HAUS6: variants seen among roughly 807,000 people sequenced by gnomAD.
HAUS6 encodes HAUS augmin like complex subunit 6, also known as HAUS augmin-like complex subunit 6.
HAUS6 carries 80 observed loss-of-function variants against 106.8 expected under a neutral mutation model. That is an observed-to-expected ratio of 0.75 (90% CI 0.63 to 0.90). HAUS6 has a LOEUF of 0.90. Ranked by LOEUF, HAUS6 falls within the 40% of genes least tolerant of loss-of-function variation. The probability of loss-of-function intolerance (pLI) is 0.00; values close to 1 mark genes in which losing one functional copy is unlikely to be tolerated. For missense variants in HAUS6, 1,155 were observed against 1,118.1 expected (o/e 1.03, Z -0.47); for synonymous variants, 356 against 379.1 (o/e 0.94, Z 0.71).
intron 11 of HAUS6, among the ~76,000 whole-genome samples, chr9:19,073,406 C>A (rs1179230369): frequency 6.9e-6 from 1 of 145,184 alleles, no homozygotes; most frequent in African/African-American, 2.7e-5. Context: ...CAGCTCAGAT[C>A]AAGGTTCTAT....
At chr9:19,073,176 T>C (rs940709972) in intron 11 of HAUS6, among the ~76,000 whole-genome samples, 12 of 152,128 alleles carry the variant, frequency 7.9e-5, no homozygotes, top group African/African-American at 2.7e-4. Context: ...ATTAACTACA[T>C]ATGTACCTTT....
intron 11 of HAUS6, among the ~76,000 whole-genome samples, chr9:19,076,102 G>C (rs111399174): frequency 5.4e-5 from 8 of 149,466 alleles, no homozygotes; most frequent in Admixed American, 3.3e-4. Context: ...GCTCATGCCT[G>C]TAATCCCAGC....
chr9:19,067,665 T>C (rs950587165), intron 12 of HAUS6, among the ~76,000 whole-genome samples: 6 of 152,154 alleles, frequency 3.9e-5, no homozygotes, highest in African/African-American at 1.4e-4. Context: ...TGATAGTATC[T>C]TGGTACAAAA....
chr9:19,095,482 G>A (rs544058680), intron 2 of HAUS6, among the ~76,000 whole-genome samples: 1 of 146,670 alleles, frequency 6.8e-6, no homozygotes, highest in East Asian at 2.0e-4. Flanking sequence ...TACTTAAAAT[G>A]AGCCATAATG....
At chr9:19,076,570 T>A in intron 11 of HAUS6, 32 bp downstream of exon 11, 1 of 955,334 alleles carries the variant, frequency 1.0e-6, no homozygotes, top group Non-Finnish European at 1.7e-6. Context: ...GGAAGGAGGT[T>A]TCAAAGAGAA....
chr9:19,079,516 C>G (rs913802075), intron 9 of HAUS6, among the ~76,000 whole-genome samples: 2 of 151,958 alleles, frequency 1.3e-5, no homozygotes, highest in East Asian at 1.9e-4. Context: ...CAAGTGTGAG[C>G]CACCATGCCC....
chr9:19,095,011 G>A (rs1326897285), intron 2 of HAUS6, among the ~76,000 whole-genome samples: 3 of 151,874 alleles, frequency 2.0e-5, no homozygotes, highest in Non-Finnish European at 4.4e-5. Context: ...CTGGACTAGT[G>A]CATAAAGACA....
intron 12 of HAUS6, among the ~76,000 whole-genome samples, chr9:19,069,362 T>A (rs1429360817): frequency 6.6e-6 from 1 of 152,176 alleles, no homozygotes. Flanking sequence ...TCTGAAAATG[T>A]GGGTCTATGG....
rs1254656089 is a variant in HAUS6 at position 19,102,696 on chromosome 9, C to T, written c.-45G>A. 4 of 1,590,550 alleles carry T rather than the reference C, an allele frequency of 2.5e-6. No individual in the cohort carries two copies. The highest frequency in any genetic ancestry group is 2.6e-6 in the Non-Finnish European group (3 of 1,167,428). On this transcript the variant is annotated 5_prime_UTR_variant, in exon 1 of 17. Transcript: ENST00000380502. ...GCTGCAAAGAAAGAAAGCGCAAGCC[C>T]AGGGGACTCGGAGGGCCCTCAAGAT...
At chr9:19,072,190 CAAA>C (rs71333079) in intron 11 of HAUS6, among the ~76,000 whole-genome samples, 4 of 139,016 alleles carry the variant, frequency 2.9e-5, no homozygotes, top group Non-Finnish European at 6.2e-5. Flanking sequence ...AACTCCCTCT[CAAA>C]AAAAAAAAAG....
At chr9:19,099,235 C>T (rs1486567317) in intron 1 of HAUS6, among the ~76,000 whole-genome samples, 1 of 147,986 alleles carries the variant, frequency 6.8e-6, no homozygotes, top group African/African-American at 2.5e-5. Context: ...GGCGCGATCT[C>T]GGCTCACTGC....
intron 14 of HAUS6, among the ~76,000 whole-genome samples, chr9:19,060,593 A>G (rs1182421052): frequency 8.5e-5 from 13 of 152,242 alleles, no homozygotes; most frequent in Admixed American, 8.5e-4. Flanking sequence ...ACTAGTTTTA[A>G]AGGAAGCAGA....
At chr9:19,082,748 T>C in intron 8 of HAUS6, 125 bp downstream of exon 8, 1 of 553,480 alleles carries the variant, frequency 1.8e-6, no homozygotes, top group Middle Eastern at 5.1e-4. Flanking sequence ...CAAAATTCTG[T>C]CTCAAAAAAA....
chr9:19,097,607 C>T (rs1026263186), intron 1 of HAUS6, among the ~76,000 whole-genome samples: 1 of 152,082 alleles, frequency 6.6e-6, no homozygotes, highest in African/African-American at 2.4e-5. Context: ...ACAACAGGTG[C>T]TGGAAAGGAT....
At position 19,080,623 on chromosome 9, in the gene HAUS6, A is replaced by C; in HGVS notation, c.920T>G (p.Val307Gly). 6.2e-7 allele frequency: 1 copy of C among 1,605,424 alleles called. No individual in the cohort carries two copies. The highest frequency in any genetic ancestry group is 1.1e-5 in the South Asian group (1 of 90,858). ...CAAGACTTCATTTAATAACTGAATA[A>C]CTGTTAAGAGGTTCAGTTTTCCAGC... ...YEAGKLNLLT[V>G]IQLLNEVLKV... The change falls in exon 9 of 17, where the codon GTT becomes GGT. Residue 307 changes from valine to glycine, a missense_variant. Physicochemically the swap from Val to Gly is moderately radical, Grantham distance 109. This residue lies in a region of HAUS6 where 761 missense variants were observed against 690.0 expected (regional missense o/e 1.10). Coordinates refer to ENST00000380502, the MANE Select transcript of HAUS6 (RefSeq NM_017645.5).
At chr9:19,098,866 T>C (rs1817921249) in intron 1 of HAUS6, among the ~76,000 whole-genome samples, 1 of 151,428 alleles carries the variant, frequency 6.6e-6, no homozygotes, top group Admixed American at 6.6e-5. Flanking sequence ...CTACTAAAAA[T>C]ACAAAATTAG....
chr9:19,080,793 C>T lies in HAUS6; in HGVS notation c.871-121G>A, dbSNP rs142706968. The T allele has an allele frequency of 1.5e-3, 908 of 625,796 alleles. 5 individuals are homozygous for T. In the African/African-American group the frequency reaches 0.015, roughly 10 times the overall value. 38.8% of individuals were successfully genotyped at this position (625,796 alleles called of 1,614,324 possible). The stretch of plus-strand genomic sequence containing the variant: ...CCTTAAAGAAGAGGGAAAGGCCAGA[C>T]GCAACGGCTCACACCTGTAATCCCA... On this transcript the variant is annotated intron_variant, in intron 8 of 16. Coordinates refer to ENST00000380502, the MANE Select transcript of HAUS6 (RefSeq NM_017645.5).
chr9:19,065,418 T>G (rs1284178078), intron 12 of HAUS6, among the ~76,000 whole-genome samples: 1 of 151,970 alleles, frequency 6.6e-6, no homozygotes, highest in East Asian at 1.9e-4. Flanking sequence ...AAAATAAAAT[T>G]GAGAGAAAAT....
At chr9:19,075,044 G>A (rs1836964567) in intron 11 of HAUS6, among the ~76,000 whole-genome samples, 1 of 152,192 alleles carries the variant, frequency 6.6e-6, no homozygotes, top group Middle Eastern at 3.2e-3. Context: ...ACAATGGCAT[G>A]TATTCATAGA....
Sources: gnomAD v4.1 joint callset for allele counts (sites outside exome capture counted in the v4.1 genomes callset) on GRCh38, gnomAD v4.1.1 for gene constraint, gnomAD v4.1.1 regional missense constraint, MANE v1.5 for transcripts, NCBI Gene and HGNC (gene_info 2026-07-23, HGNC 2026-07-21) for gene names.